The following SLC44A1 variants were observed in gnomAD, a reference collection of about 807,000 sequenced individuals.
SLC44A1 encodes the protein choline transporter-like protein 1.
Under a neutral mutation model 79.3 loss-of-function variants are expected in SLC44A1, and 26 were observed. The observed-to-expected ratio is 0.33, with a 90% confidence interval of 0.24 to 0.46. The LOEUF (loss-of-function observed/expected upper bound fraction) is 0.46. SLC44A1 is among the 20% of genes least tolerant of loss of function. The pLI is 1.00. For missense variants in SLC44A1, 688 were observed against 798.1 expected (o/e 0.86, Z 1.66); for synonymous variants, 263 against 286.2 (o/e 0.92, Z 0.82).
chr9:105,318,615 C>T (rs956423693), intron 3 of SLC44A1, among the ~76,000 whole-genome samples: 2 of 151,988 alleles, frequency 1.3e-5, no homozygotes, highest in African/African-American at 4.8e-5. Context: ...ACTCTTAAGC[C>T]TAAATTTTTA....
chr9:105,351,586 A>AGAGAGGGAGGG (rs1827422321), intron 5 of SLC44A1, among the ~76,000 whole-genome samples: 1 of 107,482 alleles, frequency 9.3e-6, no homozygotes, highest in Non-Finnish European at 1.9e-5. Context: ...GAAAGAGAGA[A>AGAGAGGGAGGG]AGAGAGAAAG....
In SLC44A1 at chr9:105,383,058, T is replaced by C; in HGVS notation, c.1633-65T>C. On this transcript the variant is annotated intron_variant, in intron 13 of 15. Transcript: ENST00000374720. ...AATAGTAGAATTTTAAGTCTGCAAA[T>C]GGTGAAAAAAGAGTGGCTTTCTTCA... 2.7e-6 allele frequency: 3 copies of C among 1,112,866 alleles called. No individual in the cohort carries two copies. The South Asian group carries it at 3.9e-5, about 15-fold the overall frequency. The allele number at this position is 1,112,866 out of a possible 1,614,324, so 68.9% of individuals were successfully genotyped here.
intron 3 of SLC44A1, among the ~76,000 whole-genome samples, chr9:105,319,612 C>T (rs952023714): frequency 3.9e-5 from 6 of 152,042 alleles, no homozygotes; most frequent in South Asian, 2.1e-4. Context: ...GGGTGGTCGA[C>T]GCCCACCCTA....
chr9:105,373,363 T>C (rs1012834950), intron 12 of SLC44A1, among the ~76,000 whole-genome samples: 2 of 152,164 alleles, frequency 1.3e-5, no homozygotes, highest in Non-Finnish European at 2.9e-5. Flanking sequence ...TATAATACTT[T>C]TTCACATTTC....
Position 105,348,382 on chromosome 9 carries a change from T to G in SLC44A1, c.431T>G (p.Leu144Arg). 6.2e-7 allele frequency: 1 copy of G among 1,610,600 alleles called. No individual in the cohort carries two copies. The highest frequency in any genetic ancestry group is 8.5e-7 in the Non-Finnish European group (1 of 1,177,068). ...GGTTCAGCCCTATGTAGCTACAACC[T>G]AAAGCCTTCTGAATACACTACATCT... ...INGSALCSYN[L>R]KPSEYTTSPK... Residue 144 changes from leucine (L) to arginine (R), a missense_variant, in exon 5 of 16, where the codon CTA becomes CGA. By Grantham distance (102) the Leu-to-Arg change is moderately radical (BLOSUM62 -2). Transcript: ENST00000374720.
intron 15 of SLC44A1, among the ~76,000 whole-genome samples, chr9:105,424,837 C>T (rs976858747): frequency 1.3e-5 from 2 of 151,566 alleles, no homozygotes; most frequent in African/African-American, 4.9e-5. Context: ...GTCTCAGATA[C>T]TTGGGAGGCT....
intron 1 of SLC44A1, among the ~76,000 whole-genome samples, chr9:105,288,537 C>T (rs35007675): frequency 1.3e-5 from 2 of 152,058 alleles, no homozygotes; most frequent in African/African-American, 2.4e-5. Flanking sequence ...TTTATAGAGA[C>T]GAGGTCTCAC....
rs1828795016 is a variant in SLC44A1, at chr9:105,392,793, A to T, written c.*3737A>T. 21 of 985,288 alleles carry T rather than the reference A, an allele frequency of 2.1e-5. No individual in the cohort carries two copies. Among genetic ancestry groups the T allele is most frequent in the Non-Finnish European group, 2.5e-5 (21 of 829,902 alleles). 61.0% of individuals were successfully genotyped at this position (985,288 alleles called of 1,614,324 possible). On this transcript the variant is annotated 3_prime_UTR_variant, in exon 16 of 16. Transcript: ENST00000374720. ...AGTTCCAAAACCAGAACTGCCAGTA[A>T]TGGTGACTTGAATATTTTATTTGAT...
chr9:105,276,696 G>A (rs1394795179), intron 1 of SLC44A1, among the ~76,000 whole-genome samples: 9 of 151,004 alleles, frequency 6.0e-5, no homozygotes, highest in Admixed American at 5.3e-4. Flanking sequence ...TGATATTTAA[G>A]AAAGGAACAT....
chr9:105,393,749 C>T lies in SLC44A1; in HGVS notation c.*4693C>T, dbSNP rs577351997. 13 of 985,096 alleles carry T rather than the reference C, an allele frequency of 1.3e-5. No individual in the cohort carries two copies. The Admixed American group carries it at 6.8e-4, about 51-fold the overall frequency. 61.0% of individuals were successfully genotyped at this position (985,096 alleles called of 1,614,324 possible). The stretch of plus-strand genomic sequence containing the variant: ...GGACAGAATGTGTTCTAAGGAAATT[C>T]GTTAGTAAATTTGTGAAAAACATGT... On this transcript the variant is annotated 3_prime_UTR_variant, in exon 16 of 16. Transcript: ENST00000374720.
intron 3 of SLC44A1, among the ~76,000 whole-genome samples, chr9:105,328,116 G>A (rs1443488790): frequency 6.6e-6 from 1 of 152,124 alleles, no homozygotes; most frequent in Non-Finnish European, 1.5e-5. Context: ...TATTAATTTG[G>A]GAAATATGCA....
At chr9:105,298,527 T>C (rs565589061) in intron 1 of SLC44A1, among the ~76,000 whole-genome samples, 54 of 152,260 alleles carry the variant, frequency 3.5e-4, no homozygotes, top group African/African-American at 1.3e-3. Context: ...TGTTTGTATT[T>C]TTAGTAGAGA....
At position 105,410,402 on chromosome 9, in the gene SLC44A1, A is replaced by G. The variant is rs552003605; in HGVS notation, c.1950+24900A>G. On this transcript the variant is annotated intron_variant, in intron 15 of 15. Transcript: ENST00000374724. ...TTAACAACAAAAAAATAAACAACCCATAACGAGCAAAGGACTTGAAGAGCT... is the reference window on the plus strand; with the variant it reads ...TTAACAACAAAAAAATAAACAACCCGTAACGAGCAAAGGACTTGAAGAGCT... Among the ~76,000 whole-genome samples, 3 of 152,342 alleles carry G rather than the reference A, an allele frequency of 2.0e-5. No homozygotes were observed. The South Asian group carries it at 6.2e-4, about 32-fold the overall frequency.
chr9:105,390,435 A>C lies in SLC44A1; in HGVS notation c.*1379A>C. On this transcript the variant is annotated 3_prime_UTR_variant, in exon 16 of 16. Transcript: ENST00000374720. ...CACTAAATACAGGCTCTGTACAAAA[A>C]AAAAAAAAAAAAAAAAGCCTCAGCA... 1.2e-6 allele frequency: 1 copy of C among 822,168 alleles called. No individual in the cohort carries two copies. Among genetic ancestry groups the C allele is most frequent in the Non-Finnish European group, 1.5e-6 (1 of 683,562 alleles). 50.9% of individuals were successfully genotyped at this position (822,168 alleles called of 1,614,324 possible).
chr9:105,424,517 A>G (rs1215350362), intron 15 of SLC44A1, among the ~76,000 whole-genome samples: 1 of 152,212 alleles, frequency 6.6e-6, no homozygotes, highest in East Asian at 1.9e-4. Flanking sequence ...GTCATCCTGA[A>G]TGCAATGTTT....
chr9:105,323,536 C>A (rs1826467331), intron 3 of SLC44A1, among the ~76,000 whole-genome samples: 3 of 152,202 alleles, frequency 2.0e-5, no homozygotes, highest in Admixed American at 2.0e-4. Flanking sequence ...CATGTATACT[C>A]CTTAGCACAG....
At chr9:105,251,143 AAT>A (rs1829576126) in intron 1 of SLC44A1, among the ~76,000 whole-genome samples, 1 of 152,168 alleles carries the variant, frequency 6.6e-6, no homozygotes, top group Admixed American at 6.5e-5. Context: ...TTTACACTAG[AAT>A]ATTGTACAGG....
chr9:105,438,153 T>TA (rs564889781), intron 15 of SLC44A1: 2 of 700,710 alleles, frequency 2.9e-6, no homozygotes, highest in Non-Finnish European at 5.0e-6. Context: ...TGTGTGTGTG[T>TA]AGCCTTCTTA....
At chr9:105,288,860 C>T (rs1209502092) in intron 1 of SLC44A1, among the ~76,000 whole-genome samples, 1 of 152,192 alleles carries the variant, frequency 6.6e-6, no homozygotes, top group African/African-American at 2.4e-5. Context: ...TTGTCTGCAA[C>T]CACTTACCCC....
Sources: gnomAD v4.1 joint callset for allele counts (sites outside exome capture counted in the v4.1 genomes callset) on GRCh38, gnomAD v4.1.1 for gene constraint, MANE v1.5 for transcripts, NCBI Gene and HGNC (gene_info 2026-07-23, HGNC 2026-07-21) for gene names.